The following NDST4 variants were observed in gnomAD, a reference collection of about 807,000 sequenced individuals.
NDST4 encodes the protein N-heparan sulfate sulfotransferase 4.
A neutral mutation model predicts 100.8 loss-of-function variants in NDST4; 63 were observed. The ratio of observed to expected loss-of-function variants is 0.62; its 90% confidence interval spans 0.51 to 0.77. The LOEUF is 0.77. NDST4 is among the 30% of genes least tolerant of loss of function. The pLI is 0.00. For synonymous variants in NDST4, 377 were observed against 361.8 expected (o/e 1.04, Z -0.48); for missense variants, 943 against 1,018.4 (o/e 0.93, Z 1.01).
At chr4:114,949,638 C>A (rs1348799968) in intron 4 of NDST4, among the ~76,000 whole-genome samples, 1 of 151,976 alleles carries the variant, frequency 6.6e-6, no homozygotes, top group African/African-American at 2.4e-5. Flanking sequence ...AAGCTAAGGG[C>A]AGAAGGGCAG....
Position 115,083,796 on chromosome 4 carries a change from G to T in NDST4, c.-246-6514C>A, listed in dbSNP as rs896880304. ...ATTCTCTCTCGTCACCCTGTGAAGA[G>T]GTACCTTCTGCCATGATTGTAAGGT... On this transcript the variant is annotated intron_variant, in intron 1 of 13. Transcript: ENST00000264363. Among the ~76,000 whole-genome samples the T allele has an allele frequency of 4.6e-5, 7 of 152,104 alleles. No homozygotes were observed. In the East Asian group the frequency reaches 1.4e-3, roughly 29 times the overall value.
At chr4:115,026,415 T>A (rs1047958426) in intron 2 of NDST4, among the ~76,000 whole-genome samples, 6 of 77,554 alleles carry the variant, frequency 7.7e-5, no homozygotes, top group African/African-American at 2.3e-4. Context: ...CTCATAGTCT[T>A]ATTTTTTTTT....
chr4:114,842,641 AAAAAAAAAAAT>A (rs1723452579), intron 10 of NDST4: 1 of 268,744 alleles, frequency 3.7e-6, no homozygotes, highest in African/African-American at 2.9e-5. Context: ...AAAAAAAAAA[AAAAAAAAAAAT>A]TAGCCAGGCA....
At chr4:114,904,532 G>A (rs893568506) in intron 6 of NDST4, among the ~76,000 whole-genome samples, 2 of 151,788 alleles carry the variant, frequency 1.3e-5, no homozygotes, top group Admixed American at 6.6e-5. Flanking sequence ...ATAGAAAGAA[G>A]AATAAAAATG....
At chr4:114,878,037 GA>G (rs1305944269) in intron 6 of NDST4, among the ~76,000 whole-genome samples, 1 of 151,660 alleles carries the variant, frequency 6.6e-6, no homozygotes, top group Non-Finnish European at 1.5e-5. Context: ...AAAAAGAAAT[GA>G]AAGGAAAAAG....
At chr4:115,007,643 G>A (rs748236029) in intron 2 of NDST4, among the ~76,000 whole-genome samples, 1 of 69,628 alleles carries the variant, frequency 1.4e-5, no homozygotes, top group African/African-American at 5.7e-5. Flanking sequence ...AAGTCCCAAG[G>A]AAGGTTGGGA....
chr4:115,084,319 G>A (rs534520640), intron 1 of NDST4, among the ~76,000 whole-genome samples: 8 of 152,286 alleles, frequency 5.3e-5, no homozygotes, highest in African/African-American at 1.9e-4. Context: ...CATTCAAGAG[G>A]AAGCGAAGCA....
chr4:114,981,900 G>A (rs1726781739), intron 2 of NDST4, among the ~76,000 whole-genome samples: 1 of 152,170 alleles, frequency 6.6e-6, no homozygotes, highest in Non-Finnish European at 1.5e-5. Context: ...GTTGAAGGTG[G>A]GGCTTGGTGG....
intron 1 of NDST4, among the ~76,000 whole-genome samples, chr4:115,091,346 AG>A (rs1426100854): frequency 6.6e-6 from 1 of 152,098 alleles, no homozygotes; most frequent in African/African-American, 2.4e-5. Flanking sequence ...ATCTGCTCAA[AG>A]GATTAATCAT....
intron 5 of NDST4, 136 bp from the exon 6 acceptor site, chr4:114,935,470 A>C: frequency 1.4e-6 from 1 of 724,666 alleles, no homozygotes; most frequent in South Asian, 3.5e-5. Flanking sequence ...TCTTATTATA[A>C]TCACAAGTTG....
At chr4:114,940,114 A>G (rs1031314130) in intron 4 of NDST4, among the ~76,000 whole-genome samples, 5 of 152,240 alleles carry the variant, frequency 3.3e-5, no homozygotes, top group Non-Finnish European at 5.9e-5. Flanking sequence ...ATAAATATAG[A>G]CACGTAAATG....
At chr4:115,082,437 T>C (rs1290767082) in intron 1 of NDST4, among the ~76,000 whole-genome samples, 4 of 152,104 alleles carry the variant, frequency 2.6e-5, no homozygotes, top group African/African-American at 9.7e-5. Context: ...ACTGTAGTTA[T>C]TGCTACTTTT....
At chr4:115,095,987 C>T (rs55651367) in intron 1 of NDST4, among the ~76,000 whole-genome samples, 2,217 of 152,050 alleles carry the variant, frequency 0.015, 51 homozygotes, top group African/African-American at 0.049. Flanking sequence ...AGTCATTTAT[C>T]CTTTAACTTT....
At chr4:114,831,488 TG>T (rs973297619) in intron 12 of NDST4, among the ~76,000 whole-genome samples, 1 of 152,196 alleles carries the variant, frequency 6.6e-6, no homozygotes, top group African/African-American at 2.4e-5. Flanking sequence ...CCCTAAACAT[TG>T]TTTTCTGCCT....
intron 4 of NDST4, among the ~76,000 whole-genome samples, chr4:114,954,808 T>C (rs1726099848): frequency 6.6e-6 from 1 of 152,188 alleles, no homozygotes; most frequent in African/African-American, 2.4e-5. Flanking sequence ...ACAATTCTCA[T>C]GAATGGCTTA....
chr4:114,972,594 G>A (rs1468188905), intron 3 of NDST4, among the ~76,000 whole-genome samples: 1 of 151,926 alleles, frequency 6.6e-6, no homozygotes, highest in Non-Finnish European at 1.5e-5. Flanking sequence ...CCTCAGATGA[G>A]GTGTTTATAT....
rs908496591 is a variant in NDST4 at position 114,931,402 on chromosome 4, G to GA, written c.1536+3803dup. Among the ~76,000 whole-genome samples the GA allele has an allele frequency of 3.1e-4, 43 of 140,644 alleles. No individual in the cohort carries two copies. The East Asian group carries it at 4.5e-3, about 15-fold the overall frequency. The allele number at this position is 140,644 out of a possible 152,430, so 92.3% of individuals were successfully genotyped here. On this transcript the variant is annotated intron_variant, in intron 6 of 13. Coordinates refer to ENST00000264363, the MANE Select transcript of NDST4 (RefSeq NM_022569.3). ...TTATGGCACTAAATGCTTACATTAA[G>GA]AAAAAAAAAGATATCAGATAAAAAG...
At chr4:115,026,686 G>A (rs1578465541) in intron 2 of NDST4, among the ~76,000 whole-genome samples, 1 of 151,208 alleles carries the variant, frequency 6.6e-6, no homozygotes, top group East Asian at 2.0e-4. Context: ...TTTTTTGGCG[G>A]GGGGGTTGCG....
At chr4:114,925,527 T>C (rs1725370093) in intron 6 of NDST4, among the ~76,000 whole-genome samples, 1 of 152,142 alleles carries the variant, frequency 6.6e-6, no homozygotes, top group Admixed American at 6.5e-5. Flanking sequence ...CAGAGATTGA[T>C]ATACACGGAG....
Sources: gnomAD v4.1 joint callset for allele counts (sites outside exome capture counted in the v4.1 genomes callset) on GRCh38, gnomAD v4.1.1 for gene constraint, MANE v1.5 for transcripts, NCBI Gene and HGNC (gene_info 2026-07-23, HGNC 2026-07-21) for gene names.